GSE1: variants seen among roughly 807,000 people sequenced by gnomAD.
The protein encoded by GSE1 is genetic suppressor element 1.
A neutral mutation model predicts 112.6 loss-of-function variants in GSE1; 32 were observed. The ratio of observed to expected loss-of-function variants is 0.28; its 90% CI spans 0.21 to 0.38. GSE1 has a LOEUF of 0.38. Ranked by LOEUF, GSE1 falls within the 10% of genes least tolerant of loss-of-function variation. The pLI is 1.00. For missense variants in GSE1, 2,348 were observed against 1,699.2 expected (o/e 1.38, Z -6.71); for synonymous variants, 1,115 against 735.6 (o/e 1.52, Z -8.35).
At chr16:85,420,244 G>A (rs2048804369) in intron 2 of GSE1, among the ~76,000 whole-genome samples, 1 of 152,088 alleles carries the variant, frequency 6.6e-6, no homozygotes, top group Middle Eastern at 3.4e-3. Flanking sequence ...TTTGTTTTTT[G>A]AGACAGGGTT....
intron 1 of GSE1, among the ~76,000 whole-genome samples, chr16:85,600,213 G>A (rs2047402350): frequency 1.3e-5 from 2 of 152,204 alleles, no homozygotes; most frequent in African/African-American, 4.8e-5. Flanking sequence ...TCACAGGTGG[G>A]GTCTGAGCGG....
chr16:85,272,738 G>GC (rs1266102338), intron 1 of GSE1, among the ~76,000 whole-genome samples: 463 of 76,396 alleles, frequency 6.1e-3, no homozygotes, highest in African/African-American at 8.5e-3. Flanking sequence ...CTTCTTGCTT[G>GC]TTTGCTTGCT....
chr16:85,602,464 T>C (rs1017434746), intron 1 of GSE1, among the ~76,000 whole-genome samples: 13 of 152,068 alleles, frequency 8.5e-5, no homozygotes, highest in Non-Finnish European at 1.8e-4. Flanking sequence ...CGCCCTGGGG[T>C]TCTAGAACCG....
At chr16:85,665,207 G>A (rs1468176570) in intron 12 of GSE1, 79 bp downstream of exon 12, 1 of 778,750 alleles carries the variant, frequency 1.3e-6, no homozygotes, top group South Asian at 1.5e-5. Context: ...ACCACTCGAG[G>A]TCTTCATCAT....
chr16:85,661,822 G>A (rs2052458923), intron 9 of GSE1, 57 bp downstream of exon 9: 3 of 1,422,132 alleles, frequency 2.1e-6, no homozygotes, highest in Non-Finnish European at 2.8e-6. Context: ...TGGGGATGGG[G>A]AGCCTGCATG....
At chr16:85,318,618 GA>G (rs1467900107) in intron 1 of GSE1, among the ~76,000 whole-genome samples, 1 of 152,182 alleles carries the variant, frequency 6.6e-6, no homozygotes, top group Non-Finnish European at 1.5e-5. Context: ...AGTGATTTGT[GA>G]GAAGCACCTG....
rs761985118 is a variant in GSE1 at position 85,654,264 on chromosome 16, C to G, written c.427-14C>G. 3 of 1,579,500 alleles carry G rather than the reference C, an allele frequency of 1.9e-6. No homozygotes were observed. Among genetic ancestry groups the G allele is most frequent in the African/African-American group, 1.4e-5 (1 of 73,712 alleles). On this transcript the variant is annotated splice_polypyrimidine_tract_variant and intron_variant, in intron 3 of 15. Coordinates refer to ENST00000253458, the MANE Select transcript of GSE1 (RefSeq NM_014615.5). ...ACCAGGCTCCTGCCCTGACTGGACG[C>G]TCTCCTCCCGCAGGATGCCGGCTCC...
intron 1 of GSE1, among the ~76,000 whole-genome samples, chr16:85,292,957 ATAT>A (rs1567668474): frequency 6.6e-6 from 1 of 152,162 alleles, no homozygotes; most frequent in Admixed American, 6.5e-5. Context: ...TTATGGAGGA[ATAT>A]TATACATACA....
chr16:85,222,533 C>G (rs60311443), intron 1 of GSE1, among the ~76,000 whole-genome samples: 9 of 152,362 alleles, frequency 5.9e-5, no homozygotes, highest in Non-Finnish European at 1.3e-4. Context: ...AAAAACACCG[C>G]CAGGAGGCTG....
At chr16:85,257,759 G>A (rs1246348747) in intron 1 of GSE1, among the ~76,000 whole-genome samples, 2 of 152,182 alleles carry the variant, frequency 1.3e-5, no homozygotes, top group East Asian at 3.9e-4. Context: ...AGGCTGTAGT[G>A]AGCCGCGATG....
chr16:85,591,566 T>C (rs1021522153), intron 1 of GSE1, among the ~76,000 whole-genome samples: 2 of 152,206 alleles, frequency 1.3e-5, no homozygotes, highest in African/African-American at 2.4e-5. Flanking sequence ...GTCACCTGGC[T>C]GTCGGCAGTG....
intron 2 of GSE1, among the ~76,000 whole-genome samples, chr16:85,468,439 C>A (rs908035372): frequency 1.3e-5 from 2 of 151,584 alleles, no homozygotes; most frequent in African/African-American, 2.4e-5. Flanking sequence ...GCCTCAGCCT[C>A]CTGAGTAGCT....
At chr16:85,532,729 G>A (rs2151186839) in intron 2 of GSE1, among the ~76,000 whole-genome samples, 1 of 152,350 alleles carries the variant, frequency 6.6e-6, no homozygotes, top group Non-Finnish European at 1.5e-5. Flanking sequence ...GGCTCCAGGT[G>A]GAGACTCCGT....
chr16:85,184,170 C>T (rs1378551780), intron 1 of GSE1, among the ~76,000 whole-genome samples: 2 of 152,158 alleles, frequency 1.3e-5, no homozygotes, highest in Non-Finnish European at 2.9e-5. Context: ...TTCTGGGGAA[C>T]AGGAAGAGTC....
chr16:85,621,277 G>C (rs904228609), intron 1 of GSE1, among the ~76,000 whole-genome samples: 18 of 152,238 alleles, frequency 1.2e-4, no homozygotes, highest in African/African-American at 4.1e-4. Flanking sequence ...CTCTGTTGGG[G>C]AACCCGTTTA....
At chr16:85,584,195 C>G (rs1325832167) in intron 1 of GSE1, among the ~76,000 whole-genome samples, 2 of 152,198 alleles carry the variant, frequency 1.3e-5, no homozygotes, top group Non-Finnish European at 2.9e-5. Flanking sequence ...TCCTCCCCCT[C>G]TGCGTGTTCC....
chr16:85,444,095 C>T (rs2049448664), intron 2 of GSE1, among the ~76,000 whole-genome samples: 1 of 150,260 alleles, frequency 6.7e-6, no homozygotes, highest in South Asian at 2.1e-4. Context: ...AGCGATTCTC[C>T]TGCCTCAGCC....
At chr16:85,572,038 C>G (rs1225559019) in intron 1 of GSE1, among the ~76,000 whole-genome samples, 1 of 151,694 alleles carries the variant, frequency 6.6e-6, no homozygotes, top group Non-Finnish European at 1.5e-5. Context: ...CACACACACA[C>G]ACGTACAACA....
intron 1 of GSE1, among the ~76,000 whole-genome samples, chr16:85,576,253 G>C (rs950197820): frequency 1.3e-5 from 2 of 152,188 alleles, no homozygotes; most frequent in Non-Finnish European, 2.9e-5. Context: ...ATGCTTCGGA[G>C]TCTCTTGGAT....
Sources: gnomAD v4.1 joint callset for allele counts (sites outside exome capture counted in the v4.1 genomes callset) on GRCh38, gnomAD v4.1.1 for gene constraint, MANE v1.5 for transcripts, NCBI Gene and HGNC (gene_info 2026-07-23, HGNC 2026-07-21) for gene names.